HLA-DRB1: variants seen among roughly 807,000 people sequenced by gnomAD.
The protein encoded by HLA-DRB1 is major histocompatibility complex, class II, DR beta 1.
HLA-DRB1 carries 10 observed loss-of-function variants against 27.9 expected under a neutral mutation model. That is an observed-to-expected ratio of 0.36 (90% CI 0.22 to 0.61). HLA-DRB1 has a LOEUF of 0.61. Ranked by LOEUF, HLA-DRB1 falls within the 20% of genes least tolerant of loss-of-function variation. The pLI is 0.73. For missense variants in HLA-DRB1, 118 were observed against 306.3 expected (o/e 0.39, Z 4.59); for synonymous variants, 57 against 126.7 (o/e 0.45, Z 3.69).
At chr6:32,580,809 C>A (rs778903456) in exon 4 of HLA-DRB1, 1 of 1,613,312 alleles carries the variant, frequency 6.2e-7, no homozygotes, top group Non-Finnish European at 8.5e-7. Flanking sequence ...AGCACAAAGC[C>A]CCCGACTCCA....
chr6:32,582,425 C>T (rs539933675), intron 2 of HLA-DRB1, among the ~76,000 whole-genome samples: 1 of 121,726 alleles, frequency 8.2e-6, no homozygotes, highest in African/African-American at 3.4e-5. Flanking sequence ...CCTTGTACAC[C>T]TTGACAGAAA....
chr6:32,589,211 TGG>T (rs1776991165), intron 1 of HLA-DRB1, among the ~76,000 whole-genome samples: 2 of 94,722 alleles, frequency 2.1e-5, no homozygotes, highest in Non-Finnish European at 4.3e-5. Context: ...AAAGGTCCTG[TGG>T]GGAACCTAAC....
intron 2 of HLA-DRB1, among the ~76,000 whole-genome samples, chr6:32,582,383 C>T (rs1216044417): frequency 1.6e-5 from 2 of 124,120 alleles, no homozygotes; most frequent in African/African-American, 6.7e-5. Flanking sequence ...ACTCATCACA[C>T]TTGAGTGCTC....
chr6:32,586,416 C>T lies in HLA-DRB1; in HGVS notation c.101-2038G>A, dbSNP rs1355001821. On this transcript the variant is annotated intron_variant, in intron 1 of 5. Transcript: ENST00000360004. Reference sequence around the variant, plus strand: ...TTCTCTATCATATTCTCACTTGCCCCTCCTCTTAGTGGTACTCACCACAAT... The same window carrying T: ...TTCTCTATCATATTCTCACTTGCCCTTCCTCTTAGTGGTACTCACCACAAT... Among the ~76,000 whole-genome samples, 5 of 98,160 alleles carry T rather than the reference C, an allele frequency of 5.1e-5. 2 individuals are homozygous for T. The highest frequency in any genetic ancestry group is 1.0e-4 in the Non-Finnish European group (5 of 49,370). 64.4% of individuals were successfully genotyped at this position (98,160 alleles called of 152,430 possible). A position where few individuals can be genotyped will look rare whatever the true frequency, so the allele number is the denominator to read the frequency against.
At chr6:32,587,644 C>T (rs35749129) in intron 1 of HLA-DRB1, among the ~76,000 whole-genome samples, 4,962 of 80,384 alleles carry the variant, frequency 0.062, 337 homozygotes, top group Admixed American at 0.1. Flanking sequence ...CGACTGTCTA[C>T]TTATTTTGTT....
At chr6:32,585,831 A>ATC (rs1776305577) in intron 1 of HLA-DRB1, among the ~76,000 whole-genome samples, 1 of 140,700 alleles carries the variant, frequency 7.1e-6, no homozygotes, top group Non-Finnish European at 1.5e-5. Flanking sequence ...GTTACTTATA[A>ATC]CCTCTCAATT....
At chr6:32,583,888 A>G (rs112554648) in intron 2 of HLA-DRB1, among the ~76,000 whole-genome samples, 2,193 of 66,838 alleles carry the variant, frequency 0.033, 206 homozygotes, top group Admixed American at 0.057. Context: ...ACACAGACAC[A>G]GACAAATCCA....
intron 4 of HLA-DRB1, among the ~76,000 whole-genome samples, chr6:32,580,471 T>G (rs1478980153): frequency 8.1e-6 from 1 of 123,410 alleles, no homozygotes; most frequent in Non-Finnish European, 1.8e-5. Context: ...GTAATTCCAT[T>G]AGCCTTAGTG....
At chr6:32,582,611 C>A (rs1242913292) in intron 2 of HLA-DRB1, among the ~76,000 whole-genome samples, 1 of 98,888 alleles carries the variant, frequency 1.0e-5, no homozygotes, top group Non-Finnish European at 2.1e-5. Context: ...TTTTACTTTC[C>A]TAGAAAAGCA....
chr6:32,581,362 C>CAT (rs1775455179), intron 3 of HLA-DRB1, among the ~76,000 whole-genome samples, 195 bp downstream of exon 3: 2 of 80,008 alleles, frequency 2.5e-5, no homozygotes, highest in African/African-American at 1.2e-4. Flanking sequence ...GCCTGGCAGG[C>CAT]GAGACTGCTT....
chr6:32,581,512 C>T (rs34426449), intron 3 of HLA-DRB1, 45 bp downstream of exon 3: 2,989 of 719,924 alleles, frequency 4.2e-3, no homozygotes, highest in Admixed American at 0.02. Context: ...AGCACGGTCC[C>T]CTTCTTAGTG....
At chr6:32,582,659 T>C (rs1311367212) in intron 2 of HLA-DRB1, among the ~76,000 whole-genome samples, 2 of 97,472 alleles carry the variant, frequency 2.1e-5, no homozygotes, top group Non-Finnish European at 4.2e-5. Context: ...GGGAACGTCA[T>C]TTAAGTTTTG....
At chr6:32,580,616 C>T in intron 4 of HLA-DRB1, 130 bp downstream of exon 4, 1 of 805,462 alleles carries the variant, frequency 1.2e-6, no homozygotes, top group South Asian at 1.6e-5. Context: ...ATTAGCAGGA[C>T]ATTAGAGCCG....
intron 1 of HLA-DRB1, among the ~76,000 whole-genome samples, chr6:32,587,600 G>A (rs34977583): frequency 0.063 from 3,907 of 61,608 alleles, 372 homozygotes; most frequent in Middle Eastern, 0.096. Context: ...CCCCCGATTC[G>A]GTCTCCCTGG....
intron 2 of HLA-DRB1, among the ~76,000 whole-genome samples, chr6:32,582,299 T>C (rs41293191): frequency 0.32 from 36,471 of 112,492 alleles, 8,285 homozygotes; most frequent in African/African-American, 0.42. Context: ...ACGTAAAATA[T>C]ATAAAACAAT....
chr6:32,587,108 C>T (rs113520250), intron 1 of HLA-DRB1, among the ~76,000 whole-genome samples: 13,429 of 51,396 alleles, frequency 0.26, 4,791 homozygotes, highest in Non-Finnish European at 0.3. Context: ...ATAGGCCGGG[C>T]GCAGTGGCTC....
intron 1 of HLA-DRB1, among the ~76,000 whole-genome samples, chr6:32,586,153 G>A (rs1403068259): frequency 0.059 from 6,297 of 107,306 alleles, 107 homozygotes; most frequent in Admixed American, 0.099. Context: ...CGCTAATAAT[G>A]ACTGAGCATC....
Sources: gnomAD v4.1 joint callset for allele counts (sites outside exome capture counted in the v4.1 genomes callset) on GRCh38, gnomAD v4.1.1 for gene constraint, MANE v1.5 for transcripts, NCBI Gene and HGNC (gene_info 2026-07-23, HGNC 2026-07-21) for gene names.